Variants in OSBPL8 observed in about 807,000 individuals in gnomAD.
The protein encoded by OSBPL8 is oxysterol-binding protein-related protein 8.
In OSBPL8, 59 loss-of-function variants were observed where a neutral mutation model predicts 125.5. The observed-to-expected ratio is 0.47, with a 90% CI of 0.38 to 0.58. The LOEUF (loss-of-function observed/expected upper bound fraction) is 0.58, where lower values mean the gene tolerates loss of function less well. Ranked by LOEUF, OSBPL8 falls within the 20% of genes least tolerant of loss-of-function variation. The pLI is 0.00. For synonymous variants in OSBPL8, 330 were observed against 338.9 expected (o/e 0.97, Z 0.29); for missense variants, 758 against 1,047.8 (o/e 0.72, Z 3.82).
chr12:76,486,970 A>G (rs1159964925), intron 2 of OSBPL8, among the ~76,000 whole-genome samples: 1 of 151,908 alleles, frequency 6.6e-6, no homozygotes, highest in Non-Finnish European at 1.5e-5. Flanking sequence ...TGGAGCAGAA[A>G]TATCAGAAAA....
chr12:76,493,287 A>C (rs1878928248), intron 1 of OSBPL8, among the ~76,000 whole-genome samples: 1 of 152,230 alleles, frequency 6.6e-6, no homozygotes, highest in South Asian at 2.1e-4. Flanking sequence ...GAAGAGCTCT[A>C]CAAGTATCCT....
chr12:76,358,952 A>G, intron 21 of OSBPL8, 141 bp from the exon 22 acceptor site: 1 of 662,876 alleles, frequency 1.5e-6, no homozygotes, highest in Non-Finnish European at 2.6e-6. Flanking sequence ...ATTCAAATTT[A>G]ACAAATGTGA....
rs1283457660 is a variant in OSBPL8 at position 76,354,747 on chromosome 12, CA to C, written c.*1141del. On this transcript the variant is annotated 3_prime_UTR_variant, in exon 24 of 24. Coordinates refer to ENST00000261183, the MANE Select transcript of OSBPL8 (RefSeq NM_020841.5). ...GAATCTTAAAGAATTGTGGTTTTGC[CA>C]CAGAAAGAAGTTACTAAGAAGAGAG... 30 of 151,928 alleles carry C rather than the reference CA, an allele frequency of 2.0e-4. No individual in the cohort carries two copies. Among genetic ancestry groups the C allele is most frequent in the Middle Eastern group, 3.4e-3 (1 of 294 alleles). The allele number at this position is 151,928 out of a possible 1,614,324, so 9.4% of individuals were successfully genotyped here. A position where few individuals can be genotyped will look rare whatever the true frequency, so the allele number is the denominator to read the frequency against.
chr12:76,364,278 A>C (rs1456038125), intron 21 of OSBPL8, among the ~76,000 whole-genome samples: 1 of 152,230 alleles, frequency 6.6e-6, no homozygotes, highest in Non-Finnish European at 1.5e-5. Flanking sequence ...AGATTGGATA[A>C]AGAAAATCTG....
intron 1 of OSBPL8, among the ~76,000 whole-genome samples, chr12:76,506,622 T>C (rs1405087651): frequency 6.6e-6 from 1 of 152,020 alleles, no homozygotes; most frequent in African/African-American, 2.4e-5. Context: ...ATACACAAAA[T>C]AAAAATTATA....
chr12:76,375,741 T>A (rs34785692), intron 16 of OSBPL8, among the ~76,000 whole-genome samples: 16,359 of 146,736 alleles, frequency 0.11, 1,182 homozygotes, highest in Non-Finnish European at 0.17. Context: ...CACATTGTTT[T>A]AAAAAAAAAA....
intron 4 of OSBPL8, among the ~76,000 whole-genome samples, chr12:76,438,582 G>T (rs887026812): frequency 1.3e-5 from 2 of 152,154 alleles, no homozygotes; most frequent in Non-Finnish European, 2.9e-5. Context: ...AAATATTTGA[G>T]ATGAAGTGTA....
intron 1 of OSBPL8, 128 bp from the exon 2 acceptor site, chr12:76,487,746 A>T (rs757883324): frequency 9.6e-5 from 40 of 415,190 alleles, no homozygotes; most frequent in Non-Finnish European, 1.3e-5. Flanking sequence ...ATAATTAAAA[A>T]AAAAATTGAC....
chr12:76,392,566 G>A lies in OSBPL8; in HGVS notation c.929+15C>T. On this transcript the variant is annotated intron_variant, in intron 10 of 23. Coordinates refer to ENST00000261183, the MANE Select transcript of OSBPL8 (RefSeq NM_020841.5). Reference sequence around the variant, plus strand: ...TCTCTGAAACATTACCAACTCAGCGGCAGTATCTACTTACTGGAAGTTATC... The same window carrying A: ...TCTCTGAAACATTACCAACTCAGCGACAGTATCTACTTACTGGAAGTTATC... 6.3e-7 allele frequency: 1 copy of A among 1,592,876 alleles called. No homozygotes were observed. Among genetic ancestry groups the A allele is most frequent in the Non-Finnish European group, 8.6e-7 (1 of 1,164,352 alleles).
chr12:76,406,822 A>C (rs915281055), intron 5 of OSBPL8, among the ~76,000 whole-genome samples: 2 of 152,096 alleles, frequency 1.3e-5, no homozygotes, highest in African/African-American at 4.8e-5. Flanking sequence ...TAGGTTGCCC[A>C]GGCTGGTCTC....
intron 1 of OSBPL8, among the ~76,000 whole-genome samples, chr12:76,507,563 T>C (rs1364557303): frequency 1.3e-5 from 2 of 151,672 alleles, no homozygotes; most frequent in East Asian, 1.9e-4. Flanking sequence ...CTCACACCTG[T>C]AATCCCAGCA....
chr12:76,493,206 C>G (rs1878919188), intron 1 of OSBPL8, among the ~76,000 whole-genome samples: 1 of 152,116 alleles, frequency 6.6e-6, no homozygotes, highest in African/African-American at 2.4e-5. Flanking sequence ...TGAGAGGACC[C>G]CAATAACATA....
chr12:76,425,801 C>T lies in OSBPL8; in HGVS notation c.218-15167G>A, dbSNP rs150622044. ...AACTAAAAAAGCAGAATATACCTCTCCTGGTCATATTCCTGCCAGGTATCC... is the reference window on the plus strand; with the variant it reads ...AACTAAAAAAGCAGAATATACCTCTTCTGGTCATATTCCTGCCAGGTATCC... On this transcript the variant is annotated intron_variant, in intron 4 of 23. Coordinates refer to ENST00000261183, the MANE Select transcript of OSBPL8 (RefSeq NM_020841.5). Among the ~76,000 whole-genome samples, 1,289 of 152,328 alleles carry T rather than the reference C, an allele frequency of 8.5e-3. 17 individuals carry two copies. Among genetic ancestry groups the T allele is most frequent in the South Asian group, 0.049 (236 of 4,824 alleles).
chr12:76,503,541 T>C (rs984360324), intron 1 of OSBPL8, among the ~76,000 whole-genome samples: 1 of 151,648 alleles, frequency 6.6e-6, no homozygotes, highest in African/African-American at 2.4e-5. Context: ...AACAAGTATG[T>C]TTTTTTTTAT....
chr12:76,520,976 T>G (rs190446518), intron 1 of OSBPL8, among the ~76,000 whole-genome samples: 19 of 152,302 alleles, frequency 1.2e-4, no homozygotes, highest in African/African-American at 4.6e-4. Flanking sequence ...TTGACATTCT[T>G]CTGCTCTACA....
chr12:76,365,680 T>G (rs986876637), intron 21 of OSBPL8, among the ~76,000 whole-genome samples: 2 of 152,206 alleles, frequency 1.3e-5, no homozygotes, highest in African/African-American at 2.4e-5. Flanking sequence ...TTCCTGATGT[T>G]ACGGGGAAGG....
At chr12:76,454,175 T>C (rs1873741558) in intron 3 of OSBPL8, among the ~76,000 whole-genome samples, 1 of 152,190 alleles carries the variant, frequency 6.6e-6, no homozygotes, top group South Asian at 2.1e-4. Flanking sequence ...ACAATTCCAC[T>C]CTTGGATCTA....
At position 76,382,675 on chromosome 12, in the gene OSBPL8, G is replaced by A. The variant is rs551735724; in HGVS notation, c.1630+1579C>T. ...AGGCGGGTGGATCACTTGAGGTCAG[G>A]AGTTCGAGACCAGCCTGACCAACAT... On this transcript the variant is annotated intron_variant, in intron 15 of 23. Transcript: ENST00000261183. Among the ~76,000 whole-genome samples, 141 of 152,312 alleles carry A rather than the reference G, an allele frequency of 9.3e-4. 2 individuals are homozygous for A. Among genetic ancestry groups the A allele is most frequent in the Non-Finnish European group, 1.3e-3 (89 of 68,020 alleles).
At chr12:76,443,073 AT>A (rs1466555013) in intron 4 of OSBPL8, among the ~76,000 whole-genome samples, 2 of 152,236 alleles carry the variant, frequency 1.3e-5, no homozygotes, top group African/African-American at 2.4e-5. Context: ...AGATATTTTA[AT>A]TTGAGCCTAG....
Sources: gnomAD v4.1 joint callset for allele counts (sites outside exome capture counted in the v4.1 genomes callset) on GRCh38, gnomAD v4.1.1 for gene constraint, MANE v1.5 for transcripts, NCBI Gene and HGNC (gene_info 2026-07-23, HGNC 2026-07-21) for gene names.